Variants in CARS1 observed in about 807,000 individuals in gnomAD.
CARS1 encodes cysteinyl-tRNA synthetase 1.
CARS1 carries 48 observed loss-of-function variants against 106.2 expected under a neutral mutation model. The observed-to-expected ratio is 0.45, with a 90% CI of 0.36 to 0.57. The LOEUF is 0.57. CARS1 is among the 20% of genes least tolerant of loss of function. The pLI, the probability that CARS1 is intolerant of heterozygous loss-of-function variation, is 0.00. For missense variants in CARS1, 968 were observed against 1,057.2 expected, an observed-to-expected ratio of 0.92 and a Z score of 1.17; for synonymous variants, 409 against 403.4, an observed-to-expected ratio of 1.01 and a Z score of -0.17.
At chr11:3,026,593 AG>A in intron 10 of CARS1, 82 bp downstream of exon 10, 1 of 1,486,560 alleles carries the variant, frequency 6.7e-7, no homozygotes, top group Non-Finnish European at 9.2e-7. Flanking sequence ...GGCTCAGCGC[AG>A]CCCCCGTGGC....
chr11:3,016,477 C>T (rs548131959), intron 16 of CARS1, among the ~76,000 whole-genome samples: 2 of 152,092 alleles, frequency 1.3e-5, no homozygotes, highest in Non-Finnish European at 2.9e-5. Context: ...CCCGCCTTGG[C>T]CTCCCAAAGT....
Position 3,003,768 on chromosome 11 carries a change from AG to A in CARS1, c.2218-1169del, listed in dbSNP as rs1214169311. Among the ~76,000 whole-genome samples, 2 of 152,126 alleles carry A rather than the reference AG, an allele frequency of 1.3e-5. No individual in the cohort carries two copies. The highest frequency in any genetic ancestry group is 4.8e-5 in the African/African-American group (2 of 41,412). ...AGGATTTCTGCTTTTTCCCTTTAAA[AG>A]TTAGTATGTGTTTATGTGCTGGTGG... On this transcript the variant is annotated intron_variant, in intron 20 of 22. Transcript: ENST00000380525. The surrounding 1 kb of genome is among the most constrained non-coding windows in gnomAD (Gnocchi z 4.8).
chr11:3,027,072 C>A, intron 9 of CARS1: 5 of 348,026 alleles, frequency 1.4e-5, no homozygotes, highest in South Asian at 8.9e-5. Flanking sequence ...TTGCTCAGGG[C>A]TGCTGCCGTC....
At position 3,008,762 on chromosome 11, in the gene CARS1, T is replaced by C. The variant is rs1456550550; in HGVS notation, c.2069-1803A>G. ...CCTTTATATTTGTCTGCAGTATCAT[T>C]CCTGGGAACAGGCCCTCCTCAGCCA... is the stretch of plus-strand genomic sequence containing the variant. On this transcript the variant is annotated intron_variant, in intron 18 of 22. Coordinates refer to ENST00000380525, the MANE Select transcript of CARS1 (RefSeq NM_001014437.3). The surrounding 1 kb of genome is among the most constrained non-coding windows in gnomAD (Gnocchi z 5.1). 6.6e-6 allele frequency: 1 copy of C among 152,172 alleles called. No homozygotes were observed. Among genetic ancestry groups the C allele is most frequent in the African/African-American group, 2.4e-5 (1 of 41,418 alleles). 9.4% of individuals were successfully genotyped at this position (152,172 alleles called of 1,614,324 possible). A position where few individuals can be genotyped will look rare whatever the true frequency, so the allele number is the denominator to read the frequency against.
At chr11:3,015,471 C>A (rs1246300269) in intron 17 of CARS1, among the ~76,000 whole-genome samples, 1 of 152,220 alleles carries the variant, frequency 6.6e-6, no homozygotes. Flanking sequence ...GTTCATGATG[C>A]CAAGTGGCCG....
intron 17 of CARS1, among the ~76,000 whole-genome samples, chr11:3,013,655 C>A (rs1850714532): frequency 6.6e-6 from 1 of 151,856 alleles, no homozygotes; most frequent in African/African-American, 2.4e-5. Flanking sequence ...TCAAGACTAG[C>A]CTGGCCAACA....
Position 3,001,056 on chromosome 11 carries a change from C to T in CARS1, c.*58G>A, listed in dbSNP as rs1174545744. The T allele has an allele frequency of 6.3e-7, 1 of 1,593,132 alleles. No homozygotes were observed. Among genetic ancestry groups the T allele is most frequent in the Non-Finnish European group, 8.6e-7 (1 of 1,164,464 alleles). On this transcript the variant is annotated 3_prime_UTR_variant, in exon 23 of 23. Coordinates refer to ENST00000380525, the MANE Select transcript of CARS1 (RefSeq NM_001014437.3). Reference sequence around the variant, plus strand: ...TGATAGGAGCGCTGGGACATTGTCACTGAGGCAGACAGCAGCCACTAGTCC... The same window carrying T: ...TGATAGGAGCGCTGGGACATTGTCATTGAGGCAGACAGCAGCCACTAGTCC...
intron 1 of CARS1, among the ~76,000 whole-genome samples, chr11:3,054,174 C>T (rs924073753): frequency 6.6e-6 from 1 of 152,200 alleles, no homozygotes; most frequent in African/African-American, 2.4e-5. Flanking sequence ...CCTCCCACTC[C>T]CCGTCCTGAT....
At position 3,037,273 on chromosome 11, in the gene CARS1, C is replaced by G. The variant is rs1389714503; in HGVS notation, c.801+777G>C. ...CGAAGCGATCTGCTGAGTCAGGACA[C>G]AGAAGAGACCAAACTAGAAAGAAAC... On this transcript the variant is annotated intron_variant, in intron 7 of 22. Coordinates refer to ENST00000380525, the MANE Select transcript of CARS1 (RefSeq NM_001014437.3). The surrounding 1 kb of genome is among the most constrained non-coding windows in gnomAD (Gnocchi z 5.9). Among the ~76,000 whole-genome samples, 1 of 152,222 alleles carries G rather than the reference C, an allele frequency of 6.6e-6. No homozygotes were observed. The highest frequency in any genetic ancestry group is 1.5e-5 in the Non-Finnish European group (1 of 68,038).
chr11:3,041,161 C>G lies in CARS1; in HGVS notation c.367-177G>C. Reference sequence around the variant, plus strand: ...CTCAGTGGGAGCCCAGTGAGATGTACGGCACCTCCCACCAACTGAGCCCTG... The same window carrying G: ...CTCAGTGGGAGCCCAGTGAGATGTAGGGCACCTCCCACCAACTGAGCCCTG... On this transcript the variant is annotated intron_variant, in intron 3 of 22. Transcript: ENST00000380525. The surrounding 1 kb of genome is among the most constrained non-coding windows in gnomAD (Gnocchi z 4.9). The G allele has an allele frequency of 1.1e-6, 1 of 921,874 alleles. No homozygotes were observed. Among genetic ancestry groups the G allele is most frequent in the Admixed American group, 2.8e-5 (1 of 36,034 alleles). The allele number at this position is 921,874 out of a possible 1,614,324, so 57.1% of individuals were successfully genotyped here.
At position 3,029,454 on chromosome 11, in the gene CARS1, A is replaced by T. The variant is rs748235531; in HGVS notation, c.802-11T>A. ...TTCTTCCAGCAACACCTGAAGAGAA[A>T]GAAACAAAAATCCAGCAGCGGGCCA... On this transcript the variant is annotated splice_polypyrimidine_tract_variant and intron_variant, in intron 7 of 22. Coordinates refer to ENST00000380525, the MANE Select transcript of CARS1 (RefSeq NM_001014437.3). This position sits in a 1 kb window ranked among gnomAD's most constrained non-coding sequence, Gnocchi z 5.9. 6.2e-7 allele frequency: 1 copy of T among 1,612,828 alleles called. No individual in the cohort carries two copies. Among genetic ancestry groups the T allele is most frequent in the African/African-American group, 1.3e-5 (1 of 74,930 alleles).
rs1175904508 is a variant in CARS1, at chr11:3,053,071, C to A, written c.25+4272G>T. ...GTCTCTACAGAACATTTATTGAAATCACATGCAAGTACCAAGCAATTGCTC... is the reference window on the plus strand; with the variant it reads ...GTCTCTACAGAACATTTATTGAAATAACATGCAAGTACCAAGCAATTGCTC... On this transcript the variant is annotated intron_variant, in intron 1 of 22. Coordinates refer to ENST00000380525, the MANE Select transcript of CARS1 (RefSeq NM_001014437.3). This position sits in a 1 kb window ranked among gnomAD's most constrained non-coding sequence, Gnocchi z 6.6. Among the ~76,000 whole-genome samples the A allele has an allele frequency of 6.6e-6, 1 of 152,196 alleles. No individual in the cohort carries two copies. The highest frequency in any genetic ancestry group is 1.5e-5 in the Non-Finnish European group (1 of 68,046).
chr11:3,033,557 A>C (rs1227265126), intron 7 of CARS1, among the ~76,000 whole-genome samples: 1 of 152,248 alleles, frequency 6.6e-6, no homozygotes, highest in East Asian at 1.9e-4. Flanking sequence ...TTTACAAGTA[A>C]ATGATGTCAA....
intron 1 of CARS1, among the ~76,000 whole-genome samples, chr11:3,051,837 G>C (rs1855723725): frequency 6.6e-6 from 1 of 152,134 alleles, no homozygotes; most frequent in African/African-American, 2.4e-5. Flanking sequence ...TCATGCCTGG[G>C]TTGGACTCCA....
At position 3,044,714 on chromosome 11, in the gene CARS1, A is replaced by G. The variant is rs756611648; in HGVS notation, c.275-2458T>C. Among the ~76,000 whole-genome samples the G allele has an allele frequency of 1.4e-4, 22 of 151,728 alleles. No homozygotes were observed. The highest frequency in any genetic ancestry group is 2.8e-4 in the Non-Finnish European group (19 of 67,992). On this transcript the variant is annotated intron_variant, in intron 2 of 22. Transcript: ENST00000380525. This position sits in a 1 kb window ranked among gnomAD's most constrained non-coding sequence, Gnocchi z 4.4. ...CTGGCCTGTGCTTTTGTTTCTTTGG[A>G]AAAAATGAACACACATTCGTTGATT... is the stretch of plus-strand genomic sequence containing the variant.
At chr11:3,007,086 G>C in intron 18 of CARS1, 127 bp from the exon 19 acceptor site, 1 of 792,236 alleles carries the variant, frequency 1.3e-6, no homozygotes, top group African/African-American at 1.7e-5. Flanking sequence ...CAGTGCTCAG[G>C]AGGGAGGGGC....
Position 3,055,272 on chromosome 11 carries a change from G to A in CARS1, c.25+2071C>T, listed in dbSNP as rs114345105. 8.3e-4 allele frequency among the ~76,000 whole-genome samples: 127 copies of A among 152,124 alleles called. 1 individual carries two copies. Among genetic ancestry groups the A allele is most frequent in the African/African-American group, 2.9e-3 (119 of 41,520 alleles). Reference sequence around the variant, plus strand: ...GCCTCCTGGGTTCACATCATTCTCCGGCCTCAGCCTCCGAGTAGTCAGGCG... The same window carrying A: ...GCCTCCTGGGTTCACATCATTCTCCAGCCTCAGCCTCCGAGTAGTCAGGCG... On this transcript the variant is annotated intron_variant, in intron 1 of 22. Coordinates refer to ENST00000380525, the MANE Select transcript of CARS1 (RefSeq NM_001014437.3).
chr11:3,026,281 A>G (rs1852066051), intron 10 of CARS1, among the ~76,000 whole-genome samples: 1 of 152,164 alleles, frequency 6.6e-6, no homozygotes. Context: ...GGTCACTAGC[A>G]CAGTAGGGTG....
In CARS1 at chr11:3,046,730, C is replaced by T. The variant is rs895475432; in HGVS notation, c.274+1023G>A. Among the ~76,000 whole-genome samples, 1 of 152,128 alleles carries T rather than the reference C, an allele frequency of 6.6e-6. No individual in the cohort carries two copies. Among genetic ancestry groups the T allele is most frequent in the Non-Finnish European group, 1.5e-5 (1 of 68,030 alleles). On this transcript the variant is annotated intron_variant, in intron 2 of 22. Transcript: ENST00000380525. This position sits in a 1 kb window ranked among gnomAD's most constrained non-coding sequence, Gnocchi z 5.8. ...GGACCACCAGAAAACAGCACTAAACCTGCCCCCACATGAAGGTGGAGGAGT... is the reference window on the plus strand; with the variant it reads ...GGACCACCAGAAAACAGCACTAAACTTGCCCCCACATGAAGGTGGAGGAGT...
Sources: allele counts gnomAD v4.1 joint callset (sites outside exome capture counted in the v4.1 genomes callset), GRCh38; gene constraint gnomAD v4.1.1; non-coding constraint Gnocchi (gnomAD v3.1); transcripts MANE v1.5; gene names NCBI Gene and HGNC (gene_info 2026-07-23, HGNC 2026-07-21).